AP1S3: variants seen among roughly 807,000 people sequenced by gnomAD.
AP1S3 encodes AP-1 complex subunit sigma-3.
A neutral mutation model predicts 20.9 loss-of-function variants in AP1S3; 10 were observed. The observed-to-expected ratio is 0.48, with a 90% CI of 0.29 to 0.81. The LOEUF is 0.81. Among genes scored for constraint, AP1S3 ranks in the 30% least tolerant of loss-of-function variants. The pLI is 0.08. For missense variants in AP1S3, 154 were observed against 183.8 expected, an observed-to-expected ratio of 0.84 and a Z score of 0.94; for synonymous variants, 41 against 61.5, an observed-to-expected ratio of 0.67 and a Z score of 1.56.
intron 1 of AP1S3, among the ~76,000 whole-genome samples, chr2:223,802,172 A>G (rs1232012059): frequency 2.0e-5 from 3 of 152,284 alleles, no homozygotes; most frequent in African/African-American, 4.8e-5. Flanking sequence ...ATAACTAAAC[A>G]GACCTTGTAT....
chr2:223,764,186 T>C (rs1259747727), intron 4 of AP1S3, among the ~76,000 whole-genome samples: 1 of 149,692 alleles, frequency 6.7e-6, no homozygotes, highest in Non-Finnish European at 1.5e-5. Context: ...CCCAAAGTGC[T>C]GGGATTACAG....
chr2:223,762,742 T>C (rs1690390606), intron 4 of AP1S3, among the ~76,000 whole-genome samples: 1 of 152,220 alleles, frequency 6.6e-6, no homozygotes, highest in Non-Finnish European at 1.5e-5. Context: ...AGGCTATGTC[T>C]TCTTACTAAA....
chr2:223,832,957 T>C (rs1692312062), intron 1 of AP1S3, among the ~76,000 whole-genome samples: 1 of 152,104 alleles, frequency 6.6e-6, no homozygotes, highest in Admixed American at 6.6e-5. Context: ...CTTGATTTTT[T>C]TTTAGCATAA....
intron 1 of AP1S3, 128 bp downstream of exon 1, chr2:223,837,320 C>A: frequency 2.5e-6 from 1 of 401,622 alleles, no homozygotes; most frequent in South Asian, 1.2e-4. Context: ...ACGCACGGTT[C>A]GGGTGGCCAG....
At chr2:223,773,182 G>A (rs1690674336) in intron 3 of AP1S3, 2 of 874,798 alleles carry the variant, frequency 2.3e-6, no homozygotes, top group Non-Finnish European at 3.1e-6. Flanking sequence ...CTGAAATTTG[G>A]TCAGATAGAT....
chr2:223,811,039 T>G (rs376418273), intron 1 of AP1S3, among the ~76,000 whole-genome samples: 7 of 152,242 alleles, frequency 4.6e-5, no homozygotes, highest in African/African-American at 1.7e-4. Flanking sequence ...TACAAGTGGT[T>G]TTGGTTACAT....
rs1690236194 is a variant in AP1S3, at chr2:223,756,969, C to G, written c.*1746G>C. ...AAATAGCAGGCAGCAAGACAGAATACTACAAGCTTTTACTTTTTCTTTTTT... is the reference window on the plus strand; with the variant it reads ...AAATAGCAGGCAGCAAGACAGAATAGTACAAGCTTTTACTTTTTCTTTTTT... On this transcript the variant is annotated 3_prime_UTR_variant, in exon 5 of 5. Transcript: ENST00000396654. The G allele has an allele frequency of 7.1e-6, 7 of 983,864 alleles. No homozygotes were observed. In the South Asian group the frequency reaches 2.8e-4, roughly 40 times the overall value. 60.9% of individuals were successfully genotyped at this position (983,864 alleles called of 1,614,324 possible). A position where few individuals can be genotyped will look rare whatever the true frequency, so the allele number is the denominator to read the frequency against.
At chr2:223,816,377 A>G (rs1691843592) in intron 1 of AP1S3, among the ~76,000 whole-genome samples, 1 of 152,212 alleles carries the variant, frequency 6.6e-6, no homozygotes, top group African/African-American at 2.4e-5. Context: ...CACTTGCCAA[A>G]AACAAACGAA....
At position 223,755,594 on chromosome 2, in the gene AP1S3, G is replaced by A. The variant is rs1690194528; in HGVS notation, c.*3121C>T. Among the ~76,000 whole-genome samples, 1 of 146,940 alleles carries A rather than the reference G, an allele frequency of 6.8e-6. No homozygotes were observed. Among genetic ancestry groups the A allele is most frequent in the African/African-American group, 2.5e-5 (1 of 39,294 alleles). ...CACCCGGGCTGGAGTACAGTGGCGT[G>A]ATCTCAGCTCACTGCAACCTCTGCC... On this transcript the variant is annotated 3_prime_UTR_variant, in exon 5 of 5. Transcript: ENST00000396654.
intron 1 of AP1S3, among the ~76,000 whole-genome samples, chr2:223,784,506 T>A (rs1691029616): frequency 6.6e-6 from 1 of 152,108 alleles, no homozygotes; most frequent in African/African-American, 2.4e-5. Flanking sequence ...GAGCACGGCA[T>A]CGTCACTCCC....
intron 1 of AP1S3, among the ~76,000 whole-genome samples, chr2:223,780,174 T>C (rs576283793): frequency 6.7e-6 from 1 of 149,898 alleles, no homozygotes; most frequent in East Asian, 2.0e-4. Flanking sequence ...TCTTTTGGAG[T>C]GCAGTGGCTC....
At chr2:223,762,268 A>ATTTTTTT (rs57119521) in intron 4 of AP1S3, among the ~76,000 whole-genome samples, 4 of 105,196 alleles carry the variant, frequency 3.8e-5, no homozygotes, top group Non-Finnish European at 1.9e-5. Context: ...GTGCCCAGCA[A>ATTTTTTT]TTTTTTTTTT....
chr2:223,759,273 C>T (rs551170069), intron 4 of AP1S3, among the ~76,000 whole-genome samples: 14 of 143,630 alleles, frequency 9.7e-5, no homozygotes, highest in South Asian at 4.4e-4. Context: ...AGTGAGACTC[C>T]GTCTCAAAAA....
At chr2:223,779,448 A>C (rs1690870959) in intron 1 of AP1S3, among the ~76,000 whole-genome samples, 2 of 152,306 alleles carry the variant, frequency 1.3e-5, no homozygotes, top group South Asian at 4.1e-4. Context: ...GTTATGGTAT[A>C]TTTAATTTTT....
chr2:223,792,021 C>T (rs943735364), intron 1 of AP1S3, among the ~76,000 whole-genome samples: 2 of 152,152 alleles, frequency 1.3e-5, no homozygotes. Flanking sequence ...AATGGAAAAA[C>T]ATTCCATTCT....
rs1312243863 is a variant in AP1S3 at position 223,756,920 on chromosome 2, T to C, written c.*1795A>G. 6 of 985,206 alleles carry C rather than the reference T, an allele frequency of 6.1e-6. No homozygotes were observed. The highest frequency in any genetic ancestry group is 6.1e-5 in the Admixed American group (1 of 16,264). The allele number at this position is 985,206 out of a possible 1,614,324, so 61.0% of individuals were successfully genotyped here. A position where few individuals can be genotyped will look rare whatever the true frequency, so the allele number is the denominator to read the frequency against. On this transcript the variant is annotated 3_prime_UTR_variant, in exon 5 of 5. Coordinates refer to ENST00000396654, the MANE Select transcript of AP1S3 (RefSeq NM_001039569.2). ...ATGATACCAGACCTCAAAGCTAACA[T>C]TGAAAATGCACAGGTAAAACATCAA...
chr2:223,794,927 C>A (rs1691299379), intron 1 of AP1S3, among the ~76,000 whole-genome samples: 1 of 152,226 alleles, frequency 6.6e-6, no homozygotes, highest in Non-Finnish European at 1.5e-5. Context: ...AAATCCAGTT[C>A]CCTCTTCCAG....
chr2:223,833,277 C>G (rs1692319938), intron 1 of AP1S3, among the ~76,000 whole-genome samples: 1 of 151,972 alleles, frequency 6.6e-6, no homozygotes. Flanking sequence ...TACATACATA[C>G]ATACATAAAC....
chr2:223,836,515 G>A (rs1402060919), intron 1 of AP1S3, among the ~76,000 whole-genome samples: 1 of 152,172 alleles, frequency 6.6e-6, no homozygotes, highest in Non-Finnish European at 1.5e-5. Flanking sequence ...CGAGGCAGGC[G>A]GATCACCTGA....
Sources: gnomAD v4.1 joint callset for allele counts (sites outside exome capture counted in the v4.1 genomes callset) on GRCh38, gnomAD v4.1.1 for gene constraint, MANE v1.5 for transcripts, NCBI Gene and HGNC (gene_info 2026-07-23, HGNC 2026-07-21) for gene names.